Variants in SYNPR observed in about 807,000 individuals in gnomAD.
The protein encoded by SYNPR is synaptoporin.
Under a neutral mutation model 32.9 loss-of-function variants are expected in SYNPR, and 23 were observed. The ratio of observed to expected loss-of-function variants is 0.70; its 90% confidence interval spans 0.50 to 0.99. SYNPR has a LOEUF of 0.99. Ranked by LOEUF, SYNPR falls within the 50% of genes least tolerant of loss-of-function variation. The pLI is 0.00. For synonymous variants in SYNPR, 146 were observed against 135.9 expected (o/e 1.07, Z -0.52); for missense variants, 318 against 349.3 (o/e 0.91, Z 0.71).
At chr3:63,519,983 G>A (rs1168514025) in intron 3 of SYNPR, among the ~76,000 whole-genome samples, 2 of 152,158 alleles carry the variant, frequency 1.3e-5, no homozygotes, top group African/African-American at 2.4e-5. Flanking sequence ...AAACACATAT[G>A]TGTCTCCAAA....
Position 63,556,659 on chromosome 3 carries a change from C to T in SYNPR, c.326C>T (p.Ala109Val), listed in dbSNP as rs773368227. The T allele has an allele frequency of 1.2e-6, 2 of 1,613,854 alleles. No homozygotes were observed. The highest frequency in any genetic ancestry group is 1.7e-6 in the Non-Finnish European group (2 of 1,179,838). The change falls in exon 4 of 6, where the codon GCC (alanine) becomes GTC (valine). Residue 109 changes from alanine to valine, a missense_variant. By Grantham distance (64) the Ala-to-Val change is moderately conservative. Coordinates refer to ENST00000478300, the MANE Select transcript of SYNPR (RefSeq NM_001130003.2). The part of the protein sequence containing the change: ...AEFFVTVAVF[A>V]FLYSLAATVV... ...TTCTTCGTCACTGTTGCTGTCTTCG[C>T]CTTCCTCTACTCTTTGGCTGCCACT...
chr3:63,384,414 C>T (rs1258192909), intron 2 of SYNPR, among the ~76,000 whole-genome samples: 1 of 152,198 alleles, frequency 6.6e-6, no homozygotes, highest in Non-Finnish European at 1.5e-5. Context: ...TTTGTCAGCT[C>T]TCTCCCTTTC....
intron 3 of SYNPR, among the ~76,000 whole-genome samples, chr3:63,554,289 G>C (rs1702557762): frequency 6.6e-6 from 1 of 152,088 alleles, no homozygotes; most frequent in Non-Finnish European, 1.5e-5. Flanking sequence ...AAAATTATTT[G>C]CCAAGGCCAA....
intron 1 of SYNPR, among the ~76,000 whole-genome samples, chr3:63,234,248 G>A (rs117185089): frequency 3.9e-5 from 6 of 152,100 alleles, no homozygotes; most frequent in African/African-American, 1.2e-4. Flanking sequence ...CAAATCTCAT[G>A]AGACTTATTC....
intron 2 of SYNPR, among the ~76,000 whole-genome samples, chr3:63,283,297 T>C (rs2086647134): frequency 1.3e-5 from 2 of 152,226 alleles, no homozygotes; most frequent in Middle Eastern, 3.4e-3. Context: ...ATACAGTAGA[T>C]TTAAAGTCTT....
chr3:63,290,456 CA>C (rs1355239695), intron 2 of SYNPR, among the ~76,000 whole-genome samples: 1 of 152,160 alleles, frequency 6.6e-6, no homozygotes, highest in East Asian at 1.9e-4. Context: ...ATAGACAAAG[CA>C]AAGCTTAAAT....
At chr3:63,463,342 G>A (rs965387562) in intron 2 of SYNPR, among the ~76,000 whole-genome samples, 1 of 152,134 alleles carries the variant, frequency 6.6e-6, no homozygotes, top group Non-Finnish European at 1.5e-5. Flanking sequence ...AATGGAACTG[G>A]TGACATGATT....
In SYNPR at chr3:63,292,996, T is replaced by C. The variant is rs113109765; in HGVS notation, c.84+14254T>C. On this transcript the variant is annotated intron_variant, in intron 2 of 5. Coordinates refer to ENST00000478300, the MANE Select transcript of SYNPR (RefSeq NM_001130003.2). ...CCGTCTGTAGGCTTTGGCAAGGGGA[T>C]CATGAATTTATGAAGCTGTTTTCTG... Among the ~76,000 whole-genome samples, 1,021 of 152,266 alleles carry C rather than the reference T, an allele frequency of 6.7e-3. 10 individuals carry two copies. The highest frequency in any genetic ancestry group is 0.023 in the African/African-American group (969 of 41,546).
chr3:63,268,948 G>T (rs983729634), intron 3 of SYNPR, among the ~76,000 whole-genome samples: 2 of 152,096 alleles, frequency 1.3e-5, no homozygotes, highest in African/African-American at 2.4e-5. Flanking sequence ...TTTACTCACA[G>T]GAAATATTTG....
At position 63,278,701 on chromosome 3, in the gene SYNPR, G is replaced by A. The variant is rs1432212753; in HGVS notation, c.43G>A (p.Val15Met). 1.9e-6 allele frequency: 3 copies of A among 1,551,666 alleles called. No homozygotes were observed. In the South Asian group the frequency reaches 3.6e-5, roughly 18 times the overall value. Residue 15 changes from valine to methionine, a missense_variant, in exon 2 of 6, where the codon GTG becomes ATG. By Grantham distance (21) the Val-to-Met change is conservative. Coordinates refer to ENST00000478300, the MANE Select transcript of SYNPR (RefSeq NM_001130003.2). ...GCTGGCCTCTGCGGGCACCTTCCGG[G>A]TGCTGAAGGAGCCCCTTGCCTTCCT... ...SQLASAGTFR[V>M]LKEPLAFLRA...
chr3:63,525,104 T>C (rs1180484148), intron 3 of SYNPR, among the ~76,000 whole-genome samples: 1 of 152,156 alleles, frequency 6.6e-6, no homozygotes, highest in South Asian at 2.1e-4. Context: ...AGGCCAAAAA[T>C]AGTGCCTTCT....
intron 3 of SYNPR, chr3:63,267,580 T>A (rs1007641233): frequency 6.6e-6 from 1 of 152,154 alleles, no homozygotes; most frequent in African/African-American, 2.4e-5. Flanking sequence ...CACCACCCCT[T>A]CTTTATTCCT....
intron 2 of SYNPR, among the ~76,000 whole-genome samples, chr3:63,463,196 G>C (rs904914035): frequency 6.6e-6 from 1 of 152,070 alleles, no homozygotes; most frequent in Non-Finnish European, 1.5e-5. Flanking sequence ...CTTTACTGTG[G>C]AACATTTTAT....
Position 63,616,319 on chromosome 3 carries a change from G to A in SYNPR, c.*838G>A, listed in dbSNP as rs1183459658. The A allele has an allele frequency of 6.6e-6, 1 of 152,042 alleles. No homozygotes were observed. Among genetic ancestry groups the A allele is most frequent in the African/African-American group, 2.4e-5 (1 of 41,394 alleles). 9.4% of individuals were successfully genotyped at this position (152,042 alleles called of 1,614,324 possible). A position where few individuals can be genotyped will look rare whatever the true frequency, so the allele number is the denominator to read the frequency against. On this transcript the variant is annotated 3_prime_UTR_variant, in exon 6 of 6. Transcript: ENST00000478300. ...GGTGTTTTGTGGCTCTTATCTTGTG[G>A]ACCATAAATAACACGGCCCAATAAC...
chr3:63,219,640 G>A, the SYNPR span, among the ~76,000 whole-genome samples: 17 of 152,028 alleles, frequency 1.1e-4, no homozygotes, highest in South Asian at 8.3e-4. Flanking sequence ...TATGGTATAT[G>A]GATTATATAT....
chr3:63,385,275 T>G (rs942020391), intron 2 of SYNPR, among the ~76,000 whole-genome samples: 1 of 152,234 alleles, frequency 6.6e-6, no homozygotes, highest in African/African-American at 2.4e-5. Flanking sequence ...CCCGCCCTGC[T>G]TCCTTCCTTT....
intron 2 of SYNPR, among the ~76,000 whole-genome samples, chr3:63,392,599 C>T (rs1455378662): frequency 6.6e-6 from 1 of 152,100 alleles, no homozygotes; most frequent in Non-Finnish European, 1.5e-5. Context: ...ACACAGAAAG[C>T]AGTATTGTCA....
At position 63,425,388 on chromosome 3, in the gene SYNPR, T is replaced by C. The variant is rs13322222; in HGVS notation, c.85-55444T>C. Among the ~76,000 whole-genome samples, 1,292 of 152,146 alleles carry C rather than the reference T, an allele frequency of 8.5e-3. 18 individuals carry two copies. The highest frequency in any genetic ancestry group is 0.029 in the African/African-American group (1,213 of 41,522). On this transcript the variant is annotated intron_variant, in intron 2 of 5. Coordinates refer to ENST00000478300, the MANE Select transcript of SYNPR (RefSeq NM_001130003.2). ...AGAGACTGAAAAGAGATAGGGGAGGTATAGGTTAACTTGTTATTATGGGTA... is the reference window on the plus strand; with the variant it reads ...AGAGACTGAAAAGAGATAGGGGAGGCATAGGTTAACTTGTTATTATGGGTA...
chr3:63,435,651 C>A (rs900726378), intron 2 of SYNPR, among the ~76,000 whole-genome samples: 1 of 152,102 alleles, frequency 6.6e-6, no homozygotes, highest in Non-Finnish European at 1.5e-5. Flanking sequence ...TCCTGGCGTT[C>A]GGCTTAAAAA....
Sources: allele counts gnomAD v4.1 joint callset (sites outside exome capture counted in the v4.1 genomes callset), GRCh38; gene constraint gnomAD v4.1.1; transcripts MANE v1.5; gene names NCBI Gene and HGNC (gene_info 2026-07-23, HGNC 2026-07-21).